SH3GL2: variants seen among roughly 807,000 people sequenced by gnomAD.
SH3GL2 encodes the protein SH3 domain containing GRB2 like 2, endophilin A1.
Under a neutral mutation model 46.0 loss-of-function variants are expected in SH3GL2, and 24 were observed. The observed-to-expected ratio is 0.52, with a 90% CI of 0.38 to 0.73. SH3GL2 has a LOEUF of 0.73. SH3GL2 is among the 30% of genes least tolerant of loss of function. The pLI is 0.00. For synonymous variants in SH3GL2, 196 were observed against 147.1 expected (o/e 1.33, Z -2.40); for missense variants, 413 against 424.2 (o/e 0.97, Z 0.23).
intron 1 of SH3GL2, among the ~76,000 whole-genome samples, chr9:17,701,338 T>G (rs1480964905): frequency 1.3e-5 from 2 of 152,094 alleles, no homozygotes; most frequent in Non-Finnish European, 2.9e-5. Context: ...ATCAGGAGCC[T>G]AAAATGAAGA....
At chr9:17,788,096 G>A (rs1488224269) in intron 5 of SH3GL2, among the ~76,000 whole-genome samples, 2 of 152,070 alleles carry the variant, frequency 1.3e-5, no homozygotes, top group African/African-American at 4.8e-5. Flanking sequence ...TGGAATGTTT[G>A]CTCACTTTTT....
chr9:17,705,234 A>G (rs111357096), intron 1 of SH3GL2, among the ~76,000 whole-genome samples: 110 of 152,106 alleles, frequency 7.2e-4, no homozygotes, highest in Non-Finnish European at 1.2e-3. Flanking sequence ...TCAAAAAGTC[A>G]GACAATAACA....
At chr9:17,723,926 G>A (rs181771651) in intron 1 of SH3GL2, among the ~76,000 whole-genome samples, 1 of 152,004 alleles carries the variant, frequency 6.6e-6, no homozygotes, top group Admixed American at 6.6e-5. Context: ...TTGATTTCAA[G>A]AGTTTATCTT....
intron 1 of SH3GL2, among the ~76,000 whole-genome samples, chr9:17,597,666 T>C (rs569890797): frequency 2.5e-4 from 38 of 152,348 alleles, no homozygotes; most frequent in African/African-American, 9.1e-4. Flanking sequence ...TCTTTCATAA[T>C]TGGACACAAC....
chr9:17,674,661 T>G (rs1820564162), intron 1 of SH3GL2, among the ~76,000 whole-genome samples: 1 of 152,040 alleles, frequency 6.6e-6, no homozygotes, highest in Admixed American at 6.5e-5. Context: ...TTTTTAGGGG[T>G]CACTCATGGG....
At chr9:17,717,471 A>G (rs531214661) in intron 1 of SH3GL2, among the ~76,000 whole-genome samples, 2 of 150,882 alleles carry the variant, frequency 1.3e-5, no homozygotes, top group South Asian at 4.2e-4. Flanking sequence ...CTCCCAGAGT[A>G]AAAACCTTTT....
intron 2 of SH3GL2, among the ~76,000 whole-genome samples, chr9:17,751,479 C>CATGTGT (rs1199309444): frequency 2.7e-5 from 4 of 146,474 alleles, no homozygotes; most frequent in African/African-American, 7.6e-5. Context: ...TTTGTGTGTG[C>CATGTGT]GTGTGTGTGT....
intron 1 of SH3GL2, among the ~76,000 whole-genome samples, chr9:17,722,025 C>T (rs760664834): frequency 1.1e-4 from 17 of 151,958 alleles, no homozygotes; most frequent in African/African-American, 2.2e-4. Context: ...ATCACAGTAG[C>T]GAAGGATTCA....
chr9:17,671,452 CTT>C (rs947211694), intron 1 of SH3GL2, among the ~76,000 whole-genome samples: 2 of 152,082 alleles, frequency 1.3e-5, no homozygotes, highest in Non-Finnish European at 2.9e-5. Context: ...TCAATAATAA[CTT>C]AATTGTACAT....
intron 1 of SH3GL2, among the ~76,000 whole-genome samples, chr9:17,706,262 C>G (rs761489116): frequency 3.9e-5 from 6 of 152,078 alleles, no homozygotes. Context: ...GATCATACTT[C>G]TTCCTTTCAT....
In SH3GL2 at chr9:17,789,266, T is replaced by C. The variant is rs1332202281; in HGVS notation, c.466-126T>C. 4 of 690,280 alleles carry C rather than the reference T, an allele frequency of 5.8e-6. No homozygotes were observed. In the Admixed American group the frequency reaches 1.0e-4, roughly 18 times the overall value. The allele number at this position is 690,280 out of a possible 1,614,324, so 42.8% of individuals were successfully genotyped here. A position where few individuals can be genotyped will look rare whatever the true frequency, so the allele number is the denominator to read the frequency against. On this transcript the variant is annotated intron_variant, in intron 5 of 8. Transcript: ENST00000380607. The stretch of plus-strand genomic sequence containing the variant: ...GATGCATGTTTCTTTATTTCTCTGG[T>C]GGCGTTGTATTTTAAAACTTAGCCT...
At chr9:17,624,484 A>G (rs1183017761) in intron 1 of SH3GL2, among the ~76,000 whole-genome samples, 1 of 151,918 alleles carries the variant, frequency 6.6e-6, no homozygotes, top group Non-Finnish European at 1.5e-5. Context: ...TTTACCATTT[A>G]GCCTTTGACA....
intron 1 of SH3GL2, among the ~76,000 whole-genome samples, chr9:17,628,674 A>T (rs1445289174): frequency 6.6e-6 from 1 of 151,770 alleles, no homozygotes; most frequent in African/African-American, 2.4e-5. Flanking sequence ...CATTTTTTTT[A>T]AATGGGTAGC....
At chr9:17,649,502 G>T (rs1819904590) in intron 1 of SH3GL2, among the ~76,000 whole-genome samples, 1 of 152,286 alleles carries the variant, frequency 6.6e-6, no homozygotes, top group East Asian at 1.9e-4. Flanking sequence ...AATCATAATT[G>T]TATGATAAAG....
intron 3 of SH3GL2, among the ~76,000 whole-genome samples, chr9:17,763,190 G>T (rs1179488981): frequency 6.6e-6 from 1 of 152,168 alleles, no homozygotes; most frequent in Non-Finnish European, 1.5e-5. Flanking sequence ...AAAATTCATT[G>T]TAACACAAAT....
intron 1 of SH3GL2, among the ~76,000 whole-genome samples, chr9:17,725,647 G>C (rs188693432): frequency 2.6e-5 from 4 of 152,080 alleles, no homozygotes; most frequent in Non-Finnish European, 5.9e-5. Flanking sequence ...GCCTCTCTTC[G>C]TGTGGAATGT....
At chr9:17,677,576 A>C (rs1421043285) in intron 1 of SH3GL2, among the ~76,000 whole-genome samples, 1 of 151,866 alleles carries the variant, frequency 6.6e-6, no homozygotes, top group Non-Finnish European at 1.5e-5. Context: ...ATTACTTGTA[A>C]AAGAATGCTA....
intron 1 of SH3GL2, among the ~76,000 whole-genome samples, chr9:17,687,535 A>C (rs1588240467): frequency 1.3e-5 from 2 of 152,238 alleles, no homozygotes; most frequent in Admixed American, 1.3e-4. Flanking sequence ...AATTGTCAAC[A>C]TACAGCATAG....
chr9:17,733,871 C>CA (rs76726618), intron 1 of SH3GL2, among the ~76,000 whole-genome samples: 2 of 150,924 alleles, frequency 1.3e-5, no homozygotes, highest in Non-Finnish European at 3.0e-5. Flanking sequence ...ATCGCAAGAA[C>CA]AAAAAAACCA....
Sources: allele counts gnomAD v4.1 joint callset (sites outside exome capture counted in the v4.1 genomes callset), GRCh38; gene constraint gnomAD v4.1.1; transcripts MANE v1.5; gene names NCBI Gene and HGNC (gene_info 2026-07-23, HGNC 2026-07-21).